TUBGCP4: variants seen among roughly 807,000 people sequenced by gnomAD.
The protein encoded by TUBGCP4 is gamma-tubulin complex component 4.
A neutral mutation model predicts 91.6 loss-of-function variants in TUBGCP4; 54 were observed. The ratio of observed to expected loss-of-function variants is 0.59; its 90% confidence interval spans 0.47 to 0.74. The LOEUF (loss-of-function observed/expected upper bound fraction) is 0.74, where lower values mean the gene tolerates loss of function less well. Among genes scored for constraint, TUBGCP4 ranks in the 30% least tolerant of loss-of-function variants. The probability of loss-of-function intolerance (pLI) is 0.00; values close to 1 mark genes in which losing one functional copy is unlikely to be tolerated. For synonymous variants in TUBGCP4, 297 were observed against 302.8 expected, an observed-to-expected ratio of 0.98 and a Z score of 0.20; for missense variants, 593 against 800.9, an observed-to-expected ratio of 0.74 and a Z score of 3.13.
At position 43,406,564 on chromosome 15, in the gene TUBGCP4, A is replaced by G. The variant is rs1274324639; in HGVS notation, c.*1350A>G. On this transcript the variant is annotated 3_prime_UTR_variant, in exon 18 of 18. Transcript: ENST00000564079. ...GTAGTTGTGATGGATCAAATGGCCCACAAAGCCTGAAATATTTACTCTTTG... is the reference window on the plus strand; with the variant it reads ...GTAGTTGTGATGGATCAAATGGCCCGCAAAGCCTGAAATATTTACTCTTTG... The G allele has an allele frequency of 2.2e-6, 1 of 455,872 alleles. No individual in the cohort carries two copies. Among genetic ancestry groups the G allele is most frequent in the East Asian group, 6.9e-5 (1 of 14,402 alleles). The allele number at this position is 455,872 out of a possible 1,614,324, so 28.2% of individuals were successfully genotyped here.
intron 1 of TUBGCP4, among the ~76,000 whole-genome samples, chr15:43,372,138 A>G (rs567585827): frequency 6.6e-6 from 1 of 152,264 alleles, no homozygotes; most frequent in South Asian, 2.1e-4. Context: ...TGCTTCCAGT[A>G]ATGTTATCTA....
chr15:43,401,510 C>T (rs936017397), intron 14 of TUBGCP4, among the ~76,000 whole-genome samples: 1 of 150,618 alleles, frequency 6.6e-6, no homozygotes. Flanking sequence ...TCAGCCAGGA[C>T]GTTGGAGGGA....
At position 43,407,326 on chromosome 15, in the gene TUBGCP4, T is replaced by C; in HGVS notation, c.*2112T>C. 3 of 1,516,710 alleles carry C rather than the reference T, an allele frequency of 2.0e-6. No homozygotes were observed. Among genetic ancestry groups the C allele is most frequent in the Non-Finnish European group, 2.7e-6 (3 of 1,101,472 alleles). The allele number at this position is 1,516,710 out of a possible 1,614,324, so 94.0% of individuals were successfully genotyped here. A position where few individuals can be genotyped will look rare whatever the true frequency, so the allele number is the denominator to read the frequency against. ...TTACACACAAGACACATTTAAAACC[T>C]GGTTAAAACACAATCTCCACGATAG... On this transcript the variant is annotated 3_prime_UTR_variant, in exon 18 of 18. Transcript: ENST00000564079.
intron 9 of TUBGCP4, chr15:43,391,838 G>A (rs1393676760): frequency 3.9e-5 from 6 of 152,240 alleles, no homozygotes; most frequent in Admixed American, 2.0e-4. Context: ...ATCACTTGAT[G>A]TCAGGAGTTT....
rs1286526182 is a variant in TUBGCP4 at position 43,408,705 on chromosome 15, C to G, written c.*3491C>G. 1.5e-5 allele frequency: 9 copies of G among 593,684 alleles called. No homozygotes were observed. Among genetic ancestry groups the G allele is most frequent in the Non-Finnish European group, 2.7e-5 (9 of 337,264 alleles). 36.8% of individuals were successfully genotyped at this position (593,684 alleles called of 1,614,324 possible). ...CTATATACAAATCTTCACACATTTG[C>G]AAAAGGTTCCTAGCCAATGTAACCT... On this transcript the variant is annotated 3_prime_UTR_variant, in exon 18 of 18. Coordinates refer to ENST00000564079, the MANE Select transcript of TUBGCP4 (RefSeq NM_014444.5).
intron 13 of TUBGCP4, chr15:43,399,000 A>T (rs527812877): frequency 2.5e-6 from 1 of 395,630 alleles, no homozygotes; most frequent in African/African-American, 2.1e-5. Context: ...CCCTTATAAT[A>T]TCCAGTCTAC....
intron 17 of TUBGCP4, 174 bp downstream of exon 17, chr15:43,404,726 G>C: frequency 2.9e-6 from 2 of 697,052 alleles, no homozygotes; most frequent in Non-Finnish European, 4.6e-6. Flanking sequence ...TTTTCTAGTA[G>C]AAGTCATCAT....
chr15:43,402,195 G>C (rs896797518), intron 15 of TUBGCP4: 2 of 201,142 alleles, frequency 9.9e-6, no homozygotes, highest in Non-Finnish European at 2.0e-5. Context: ...CAGGAGAATT[G>C]CTTGGACCCA....
Position 43,403,548 on chromosome 15 carries a change from GC to G in TUBGCP4, c.1732-134del, listed in dbSNP as rs2044748196. The stretch of plus-strand genomic sequence containing the variant: ...GAGGGGCTGGCAGGCCTTGCACGTG[GC>G]AGTGTCTATCCTGTCAGATTTGGGA... On this transcript the variant is annotated intron_variant, in intron 15 of 17. Coordinates refer to ENST00000564079, the MANE Select transcript of TUBGCP4 (RefSeq NM_014444.5). The G allele has an allele frequency of 4.4e-5, 29 of 652,874 alleles. No homozygotes were observed. In the South Asian group the frequency reaches 5.1e-4, roughly 11 times the overall value. The allele number at this position is 652,874 out of a possible 1,614,324, so 40.4% of individuals were successfully genotyped here.
rs1566894338 is a variant in TUBGCP4, at chr15:43,386,344, C to CATATATATATAT, written c.1014+14_1014+15insATATATATATAT. 250 of 245,608 alleles carry CATATATATATAT rather than the reference C, an allele frequency of 1.0e-3. 44 individuals are homozygous for CATATATATATAT. Among genetic ancestry groups the CATATATATATAT allele is most frequent in the African/African-American group, 3.0e-3 (24 of 7,940 alleles). The allele number at this position is 245,608 out of a possible 1,614,324, so 15.2% of individuals were successfully genotyped here. ...ACTGTGGCTGAGGTTTGTGTTTCAT[C>CATATATATATAT]GTATATATATATATATATATATATA... On this transcript the variant is annotated intron_variant, in intron 9 of 17. Coordinates refer to ENST00000564079, the MANE Select transcript of TUBGCP4 (RefSeq NM_014444.5).
chr15:43,389,064 G>C (rs962169998), intron 9 of TUBGCP4, among the ~76,000 whole-genome samples: 1 of 152,152 alleles, frequency 6.6e-6, no homozygotes, highest in African/African-American at 2.4e-5. Flanking sequence ...GCAACACTCA[G>C]TTCGTTCCAT....
chr15:43,388,654 T>C (rs1247989979), intron 9 of TUBGCP4, among the ~76,000 whole-genome samples: 1 of 152,228 alleles, frequency 6.6e-6, no homozygotes, highest in East Asian at 1.9e-4. Context: ...ACTGACTGAA[T>C]TATAAACAAT....
intron 9 of TUBGCP4, among the ~76,000 whole-genome samples, chr15:43,393,603 C>CACCCT (rs2044523202): frequency 6.6e-6 from 1 of 152,034 alleles, no homozygotes; most frequent in Non-Finnish European, 1.5e-5. Flanking sequence ...CCGGTCCCCC[C>CACCCT]ACCCTACAAC....
intron 15 of TUBGCP4, 197 bp from the exon 16 acceptor site, chr15:43,403,486 G>C (rs1566904127): frequency 2.6e-5 from 14 of 541,264 alleles, no homozygotes; most frequent in Middle Eastern, 4.9e-4. Flanking sequence ...CGCTTAGCCA[G>C]GAAAGGATGC....
chr15:43,409,203 T>C lies in TUBGCP4; in HGVS notation c.*3989T>C. The C allele has an allele frequency of 2.0e-6, 2 of 991,582 alleles. No homozygotes were observed. Among genetic ancestry groups the C allele is most frequent in the East Asian group, 5.1e-5 (2 of 39,528 alleles). The allele number at this position is 991,582 out of a possible 1,614,324, so 61.4% of individuals were successfully genotyped here. A position where few individuals can be genotyped will look rare whatever the true frequency, so the allele number is the denominator to read the frequency against. On this transcript the variant is annotated 3_prime_UTR_variant, in exon 18 of 18. Transcript: ENST00000564079. ...AGCAGATCTGAAGACTCCCAACTAC[T>C]ACCCAAAATGTGATTTAGTCTATCC...
intron 12 of TUBGCP4, among the ~76,000 whole-genome samples, chr15:43,397,541 GTTTT>G (rs551177616): frequency 2.7e-5 from 4 of 150,822 alleles, no homozygotes; most frequent in Non-Finnish European, 4.4e-5. Context: ...TTTTTTTGGT[GTTTT>G]TTTTTGTCAT....
In TUBGCP4 at chr15:43,383,514, C is replaced by T. The variant is rs747260324; in HGVS notation, c.723+10C>T. On this transcript the variant is annotated intron_variant, in intron 7 of 17. Coordinates refer to ENST00000564079, the MANE Select transcript of TUBGCP4 (RefSeq NM_014444.5). ...AGAACTGCAGGACTTGGTGAGAGCC[C>T]AAAAAGTAGCCTAGCACTCTCCTGC... The T allele has an allele frequency of 6.3e-7, 1 of 1,583,154 alleles. No individual in the cohort carries two copies. The highest frequency in any genetic ancestry group is 8.6e-7 in the Non-Finnish European group (1 of 1,166,774).
At chr15:43,373,834 A>G (rs928185550) in intron 1 of TUBGCP4, among the ~76,000 whole-genome samples, 1 of 151,988 alleles carries the variant, frequency 6.6e-6, no homozygotes, top group Middle Eastern at 3.4e-3. Flanking sequence ...TAGTTTTTTT[A>G]GTAAAGATGG....
chr15:43,376,377 T>G (rs2044205089), intron 2 of TUBGCP4, 126 bp from the exon 3 acceptor site: 3 of 1,601,280 alleles, frequency 1.9e-6, no homozygotes, highest in Non-Finnish European at 2.6e-6. Flanking sequence ...ACTAGAAATA[T>G]TCAAGTGAAG....
Sources: allele counts gnomAD v4.1 joint callset (sites outside exome capture counted in the v4.1 genomes callset), GRCh38; gene constraint gnomAD v4.1.1; transcripts MANE v1.5; gene names NCBI Gene and HGNC (gene_info 2026-07-23, HGNC 2026-07-21).